The following NCAM2 variants were observed in gnomAD, a reference collection of about 807,000 sequenced individuals.
NCAM2 encodes the protein N-CAM-2.
A neutral mutation model predicts 98.1 loss-of-function variants in NCAM2; 30 were observed. The ratio of observed to expected loss-of-function variants is 0.31; its 90% CI spans 0.23 to 0.41. The LOEUF (loss-of-function observed/expected upper bound fraction) is 0.41, where lower values mean the gene tolerates loss of function less well. NCAM2 is among the 10% of genes least tolerant of loss of function. The pLI, the probability that NCAM2 is intolerant of heterozygous loss-of-function variation, is 1.00. For synonymous variants in NCAM2, 368 were observed against 342.4 expected, an observed-to-expected ratio of 1.07 and a Z score of -0.83; for missense variants, 867 against 1,005.8, an observed-to-expected ratio of 0.86 and a Z score of 1.87.
chr21:21,148,105 G>A (rs1479688542), intron 1 of NCAM2, among the ~76,000 whole-genome samples: 1 of 152,120 alleles, frequency 6.6e-6, no homozygotes, highest in Non-Finnish European at 1.5e-5. Flanking sequence ...ATGCTGTTCA[G>A]CCACATTGGG....
intron 1 of NCAM2, among the ~76,000 whole-genome samples, chr21:21,189,537 G>C (rs1319131090): frequency 1.3e-5 from 2 of 152,042 alleles, no homozygotes; most frequent in Non-Finnish European, 2.9e-5. Context: ...ATGAGCCAGG[G>C]TAACACAGCA....
At chr21:21,390,368 T>G (rs1249097671) in intron 9 of NCAM2, among the ~76,000 whole-genome samples, 1 of 152,046 alleles carries the variant, frequency 6.6e-6, no homozygotes, top group East Asian at 1.9e-4. Flanking sequence ...TTGAAAAGGA[T>G]GAGAGGCCAC....
rs1013478476 is a variant in NCAM2 at position 21,063,284 on chromosome 21, C to T, written c.55+64666C>T. On this transcript the variant is annotated intron_variant, in intron 1 of 17. Coordinates refer to ENST00000400546, the MANE Select transcript of NCAM2 (RefSeq NM_004540.5). ...CACCCAGGCTGGAGTGCAGAGGTGA[C>T]CTGGGCTCACTGCAACCTCTGCCTC... Among the ~76,000 whole-genome samples, 4 of 136,466 alleles carry T rather than the reference C, an allele frequency of 2.9e-5. No homozygotes were observed. The Admixed American group carries it at 3.3e-4, about 11-fold the overall frequency. The allele number at this position is 136,466 out of a possible 152,430, so 89.5% of individuals were successfully genotyped here.
intron 5 of NCAM2, among the ~76,000 whole-genome samples, chr21:21,296,292 C>A (rs1370750139): frequency 2.6e-5 from 4 of 151,790 alleles, no homozygotes; most frequent in Non-Finnish European, 5.9e-5. Context: ...AAACCCAATG[C>A]AGCTGAAGAC....
At chr21:21,408,877 G>A (rs2076796004) in intron 9 of NCAM2, among the ~76,000 whole-genome samples, 1 of 151,950 alleles carries the variant, frequency 6.6e-6, no homozygotes, top group Non-Finnish European at 1.5e-5. Flanking sequence ...AATAGGACAA[G>A]GACTTCTAAA....
chr21:21,055,349 A>T (rs1236712384), intron 1 of NCAM2, among the ~76,000 whole-genome samples: 1 of 152,036 alleles, frequency 6.6e-6, no homozygotes, highest in Non-Finnish European at 1.5e-5. Context: ...ACCTTTAAAG[A>T]TGCTTTAAAA....
chr21:21,045,467 G>T (rs918381089), intron 1 of NCAM2, among the ~76,000 whole-genome samples: 4 of 152,036 alleles, frequency 2.6e-5, no homozygotes, highest in African/African-American at 9.7e-5. Flanking sequence ...AACATAGTGA[G>T]ACCCCCATCT....
chr21:21,325,981 A>G (rs1357046500), intron 6 of NCAM2, among the ~76,000 whole-genome samples: 1 of 152,214 alleles, frequency 6.6e-6, no homozygotes, highest in Admixed American at 6.5e-5. Flanking sequence ...GTACAGGTGA[A>G]TAAGCCTTGT....
intron 1 of NCAM2, among the ~76,000 whole-genome samples, chr21:21,067,586 T>C (rs2065467014): frequency 6.6e-6 from 1 of 152,206 alleles, no homozygotes; most frequent in Non-Finnish European, 1.5e-5. Context: ...ATAGTCTTTC[T>C]TGCATCATCC....
intron 1 of NCAM2, among the ~76,000 whole-genome samples, chr21:21,219,820 T>G (rs529491422): frequency 1.3e-5 from 2 of 152,332 alleles, no homozygotes; most frequent in Admixed American, 1.3e-4. Flanking sequence ...CTGAAGACTT[T>G]CCAGTGGGAC....
chr21:21,162,757 T>TA (rs1016477189), intron 1 of NCAM2, among the ~76,000 whole-genome samples: 82 of 151,940 alleles, frequency 5.4e-4, no homozygotes, highest in African/African-American at 1.9e-3. Flanking sequence ...CAAAGACCTG[T>TA]AAAAAAAACC....
At chr21:21,506,932 G>A (rs2826870) in intron 15 of NCAM2, among the ~76,000 whole-genome samples, 55,266 of 151,712 alleles carry the variant, frequency 0.36, 11,144 homozygotes, top group Middle Eastern at 0.5. Context: ...CAGTGACTAA[G>A]TAATTCTCAT....
At chr21:21,476,001 CAATTT>C (rs1985118431) in intron 14 of NCAM2, among the ~76,000 whole-genome samples, 5 of 152,114 alleles carry the variant, frequency 3.3e-5, no homozygotes. Context: ...TGAGTACTGT[CAATTT>C]AATGCAATCA....
intron 1 of NCAM2, among the ~76,000 whole-genome samples, chr21:21,251,975 A>G (rs192774504): frequency 8.7e-4 from 133 of 152,240 alleles, no homozygotes; most frequent in Non-Finnish European, 1.7e-3. Flanking sequence ...GTCATTGCCT[A>G]TGCCTATGTC....
intron 1 of NCAM2, among the ~76,000 whole-genome samples, chr21:21,162,424 G>C (rs1601536673): frequency 6.6e-6 from 1 of 152,056 alleles, no homozygotes; most frequent in East Asian, 1.9e-4. Flanking sequence ...GATTCACCAG[G>C]TTGTAAATTT....
intron 1 of NCAM2, among the ~76,000 whole-genome samples, chr21:21,264,890 ATG>A (rs1341779830): frequency 4.2e-5 from 2 of 47,428 alleles, no homozygotes; most frequent in Admixed American, 5.1e-4. Flanking sequence ...GGATATATAT[ATG>A]TGTGTGTATA....
At chr21:21,060,643 A>G (rs921214144) in intron 1 of NCAM2, among the ~76,000 whole-genome samples, 1 of 152,180 alleles carries the variant, frequency 6.6e-6, no homozygotes, top group African/African-American at 2.4e-5. Flanking sequence ...AAAAAATGAC[A>G]AAATTGGAAT....
Position 21,534,532 on chromosome 21 carries a change from T to G in NCAM2, c.2283-5T>G. On this transcript the variant is annotated splice_region_variant and splice_polypyrimidine_tract_variant and intron_variant, in intron 16 of 17. Transcript: ENST00000400546. ...CAGGTGAGATGTTTCTCTTTATGTT[T>G]CTAGGAAAGATGGATCAAAAGAACC... 1 of 1,580,224 alleles carries G rather than the reference T, an allele frequency of 6.3e-7. No individual in the cohort carries two copies. The highest frequency in any genetic ancestry group is 8.6e-7 in the Non-Finnish European group (1 of 1,162,004).
chr21:21,526,319 C>T (rs1989322045), intron 16 of NCAM2, among the ~76,000 whole-genome samples: 1 of 151,792 alleles, frequency 6.6e-6, no homozygotes, highest in East Asian at 1.9e-4. Context: ...ATGCAAAAAT[C>T]AAAAGTATAC....
Sources: allele counts gnomAD v4.1 joint callset (sites outside exome capture counted in the v4.1 genomes callset), GRCh38; gene constraint gnomAD v4.1.1; transcripts MANE v1.5; gene names NCBI Gene and HGNC (gene_info 2026-07-23, HGNC 2026-07-21).